Variants in CCDC61 observed in about 807,000 individuals in gnomAD.
The protein encoded by CCDC61 is centrosomal protein CCDC61.
In CCDC61, 55 loss-of-function variants were observed where a neutral mutation model predicts 63.0. The observed-to-expected ratio is 0.87, with a 90% CI of 0.70 to 1.09. CCDC61 has a LOEUF of 1.09. CCDC61 is among the 50% of genes least tolerant of loss of function. The probability of loss-of-function intolerance (pLI) is 0.00; values close to 1 mark genes in which losing one functional copy is unlikely to be tolerated. For missense variants in CCDC61, 651 were observed against 731.4 expected, an observed-to-expected ratio of 0.89 and a Z score of 1.27; for synonymous variants, 270 against 317.0, an observed-to-expected ratio of 0.85 and a Z score of 1.58.
chr19:45,998,599 C>G (rs1968535490), intron 1 of CCDC61, among the ~76,000 whole-genome samples: 2 of 152,110 alleles, frequency 1.3e-5, no homozygotes, highest in Non-Finnish European at 2.9e-5. Context: ...CATTCCCTGG[C>G]ATCTCCCGTT....
chr19:46,010,075 TC>T (rs1392008711), intron 5 of CCDC61, among the ~76,000 whole-genome samples: 5 of 152,204 alleles, frequency 3.3e-5, no homozygotes, highest in Non-Finnish European at 7.3e-5. Flanking sequence ...TTTATGGAGT[TC>T]ATACTGTGCC....
chr19:46,018,034 G>T lies in CCDC61; in HGVS notation c.1369-44G>T, dbSNP rs773980138. Reference sequence around the variant, plus strand: ...AGTGGGATTTAGGGGGACAGAAATAGAGGGACGGTGGGTGACCCCCTTTCC... The same window carrying T: ...AGTGGGATTTAGGGGGACAGAAATATAGGGACGGTGGGTGACCCCCTTTCC... On this transcript the variant is annotated intron_variant, in intron 12 of 13. Transcript: ENST00000595358. This position sits in a 1 kb window ranked among gnomAD's most constrained non-coding sequence, Gnocchi z 4.2. The T allele has an allele frequency of 3.5e-5, 54 of 1,528,452 alleles. No homozygotes were observed. Among genetic ancestry groups the T allele is most frequent in the Non-Finnish European group, 4.7e-5 (53 of 1,124,558 alleles). 94.7% of individuals were successfully genotyped at this position (1,528,452 alleles called of 1,614,324 possible). A position where few individuals can be genotyped will look rare whatever the true frequency, so the allele number is the denominator to read the frequency against.
chr19:46,016,917 C>A lies in CCDC61; in HGVS notation c.1232-74C>A. 3.7e-6 allele frequency: 1 copy of A among 273,232 alleles called. No individual in the cohort carries two copies. The highest frequency in any genetic ancestry group is 1.0e-4 in the East Asian group (1 of 9,718). The allele number at this position is 273,232 out of a possible 1,614,324, so 16.9% of individuals were successfully genotyped here. On this transcript the variant is annotated intron_variant, in intron 10 of 13. Coordinates refer to ENST00000595358, the MANE Select transcript of CCDC61 (RefSeq NM_001267723.2). The surrounding 1 kb of genome is among the most constrained non-coding windows in gnomAD (Gnocchi z 7.2). ...GCTGGGAGGCACTGGGCAGGGCGGG[C>A]GGGCTGGGAGGGCCTGGGAAGCACT...
At position 46,015,012 on chromosome 19, in the gene CCDC61, G is replaced by T. The variant is rs562884939; in HGVS notation, c.552-37G>T. On this transcript the variant is annotated intron_variant, in intron 5 of 13. Coordinates refer to ENST00000595358, the MANE Select transcript of CCDC61 (RefSeq NM_001267723.2). This position sits in a 1 kb window ranked among gnomAD's most constrained non-coding sequence, Gnocchi z 5.3. Reference sequence around the variant, plus strand: ...CATGGAGTAGTGGGAATGGGGCCATGCCTCTCTCTCCAGCGCTCTCTCCGC... The same window carrying T: ...CATGGAGTAGTGGGAATGGGGCCATTCCTCTCTCTCCAGCGCTCTCTCCGC... 2.7e-6 allele frequency: 4 copies of T among 1,473,532 alleles called. No homozygotes were observed. Among genetic ancestry groups the T allele is most frequent in the Non-Finnish European group, 1.8e-6 (2 of 1,110,470 alleles). 91.3% of individuals were successfully genotyped at this position (1,473,532 alleles called of 1,614,324 possible).
In CCDC61 at chr19:46,015,166, G is replaced by T; in HGVS notation, c.669G>T (p.Val223=). Reference sequence around the variant, plus strand: ...AGGCCGAGGCGCTGCGCGGGCTGGTGCGCGGGCTGGAGCTGGAGCTGCGGC... The same window carrying T: ...AGGCCGAGGCGCTGCGCGGGCTGGTTCGCGGGCTGGAGCTGGAGCTGCGGC... The part of the protein sequence containing the change: ...RQEAEALRGL[V]RGLELELRQE... The change falls in exon 6 of 14, where the codon GTG becomes GTT. Residue 223 remains valine (V), a synonymous_variant. Coordinates refer to ENST00000595358, the MANE Select transcript of CCDC61 (RefSeq NM_001267723.2). This position sits in a 1 kb window ranked among gnomAD's most constrained non-coding sequence, Gnocchi z 5.3. 3 of 1,266,946 alleles carry T rather than the reference G, an allele frequency of 2.4e-6. No individual in the cohort carries two copies. The highest frequency in any genetic ancestry group is 3.1e-4 in the Middle Eastern group (1 of 3,262). 78.5% of individuals were successfully genotyped at this position (1,266,946 alleles called of 1,614,324 possible).
Position 46,016,984 on chromosome 19 carries a change from C to T in CCDC61, c.1232-7C>T, listed in dbSNP as rs1477823864. On this transcript the variant is annotated splice_region_variant and splice_polypyrimidine_tract_variant and intron_variant, in intron 10 of 13. Coordinates refer to ENST00000595358, the MANE Select transcript of CCDC61 (RefSeq NM_001267723.2). This position sits in a 1 kb window ranked among gnomAD's most constrained non-coding sequence, Gnocchi z 7.2. ...GGCCAGCGGTCACGCCCTCCGTCTC[C>T]CTCTAGTGGACAGTTTCCGCAGCCG... 6.2e-7 allele frequency: 1 copy of T among 1,609,816 alleles called. No individual in the cohort carries two copies. The highest frequency in any genetic ancestry group is 8.5e-7 in the Non-Finnish European group (1 of 1,178,288).
chr19:46,013,017 A>ATT (rs547379016), intron 5 of CCDC61, among the ~76,000 whole-genome samples: 18 of 144,628 alleles, frequency 1.2e-4, no homozygotes, highest in Middle Eastern at 3.6e-3. Flanking sequence ...ATGCCAAGCT[A>ATT]TTTTTTTTTT....
In CCDC61 at chr19:46,015,273, G is replaced by A. The variant is rs761191416; in HGVS notation, c.762+14G>A. Reference sequence around the variant, plus strand: ...CTGGCCAAGGAGGTGAGCAGCGGGGGCCCGGGGCGGCCAGCGAGGCGCGGA... The same window carrying A: ...CTGGCCAAGGAGGTGAGCAGCGGGGACCCGGGGCGGCCAGCGAGGCGCGGA... On this transcript the variant is annotated intron_variant, in intron 6 of 13. Transcript: ENST00000595358. This position sits in a 1 kb window ranked among gnomAD's most constrained non-coding sequence, Gnocchi z 5.3. 219 of 1,523,388 alleles carry A rather than the reference G, an allele frequency of 1.4e-4. 4 individuals carry two copies. The Admixed American group carries it at 4.1e-3, about 29-fold the overall frequency. The allele number at this position is 1,523,388 out of a possible 1,614,324, so 94.4% of individuals were successfully genotyped here.
chr19:46,018,416 C>T lies in CCDC61; in HGVS notation c.*29C>T, dbSNP rs922548506. On this transcript the variant is annotated 3_prime_UTR_variant, in exon 14 of 14. Coordinates refer to ENST00000595358, the MANE Select transcript of CCDC61 (RefSeq NM_001267723.2). The surrounding 1 kb of genome is among the most constrained non-coding windows in gnomAD (Gnocchi z 4.2). Reference sequence around the variant, plus strand: ...GGAGAAGGGGTACTACCCCTCCATCCCCCACCCACTTGCTGGGTATGGTGT... The same window carrying T: ...GGAGAAGGGGTACTACCCCTCCATCTCCCACCCACTTGCTGGGTATGGTGT... 1.3e-6 allele frequency: 2 copies of T among 1,527,630 alleles called. No homozygotes were observed. The highest frequency in any genetic ancestry group is 1.8e-6 in the Non-Finnish European group (2 of 1,125,576). The allele number at this position is 1,527,630 out of a possible 1,614,324, so 94.6% of individuals were successfully genotyped here.
At chr19:46,003,232 A>C in intron 2 of CCDC61, 66 bp downstream of exon 2, 1 of 1,525,582 alleles carries the variant, frequency 6.6e-7, no homozygotes, top group East Asian at 2.3e-5. Context: ...CCAGAATATC[A>C]GGCCACCCTG....
chr19:46,012,847 TTTAA>T (rs940630749), intron 5 of CCDC61, among the ~76,000 whole-genome samples: 6 of 139,234 alleles, frequency 4.3e-5, no homozygotes, highest in African/African-American at 1.4e-4. Flanking sequence ...TTGCACTTAA[TTTAA>T]TTTTTTTTTT....
chr19:46,008,435 G>A (rs1384546417), intron 5 of CCDC61, 134 bp downstream of exon 5: 19 of 800,320 alleles, frequency 2.4e-5, no homozygotes, highest in Non-Finnish European at 3.3e-5. Flanking sequence ...TGAGACAAGA[G>A]TCTCACTCTG....
intron 5 of CCDC61, among the ~76,000 whole-genome samples, chr19:46,010,171 G>C (rs181460215): frequency 6.6e-6 from 1 of 152,182 alleles, no homozygotes; most frequent in South Asian, 2.1e-4. Context: ...CCTAACAGGC[G>C]GGCATTCTTA....
intron 5 of CCDC61, among the ~76,000 whole-genome samples, chr19:46,011,721 C>T (rs544220189): frequency 6.6e-6 from 1 of 152,358 alleles, no homozygotes; most frequent in Non-Finnish European, 1.5e-5. Flanking sequence ...TCAACCAATG[C>T]AGTGGTTCAC....
At position 45,999,216 on chromosome 19, in the gene CCDC61, G is replaced by A. The variant is rs139762479; in HGVS notation, c.-12+3712G>A. 4.9e-4 allele frequency among the ~76,000 whole-genome samples: 75 copies of A among 152,204 alleles called. 1 individual carries two copies. Among genetic ancestry groups the A allele is most frequent in the African/African-American group, 1.7e-3 (72 of 41,506 alleles). On this transcript the variant is annotated intron_variant, in intron 1 of 13. Coordinates refer to ENST00000595358, the MANE Select transcript of CCDC61 (RefSeq NM_001267723.2). The stretch of plus-strand genomic sequence containing the variant: ...ATGCCCCAGGGGGAACTGGGGTGCC[G>A]CAGTGTGCACCGTAGAGATTTCATT...
Position 46,018,010 on chromosome 19 carries a change from G to C in CCDC61, c.1369-68G>C. ...AAGGTCCTTAGGCTCAGGATTTCCA[G>C]TGGGATTTAGGGGGACAGAAATAGA... On this transcript the variant is annotated intron_variant, in intron 12 of 13. Transcript: ENST00000595358. This position sits in a 1 kb window ranked among gnomAD's most constrained non-coding sequence, Gnocchi z 4.2. The C allele has an allele frequency of 7.2e-7, 1 of 1,385,810 alleles. No individual in the cohort carries two copies. Among genetic ancestry groups the C allele is most frequent in the Non-Finnish European group, 9.8e-7 (1 of 1,019,334 alleles). The allele number at this position is 1,385,810 out of a possible 1,614,324, so 85.8% of individuals were successfully genotyped here.
intron 1 of CCDC61, among the ~76,000 whole-genome samples, chr19:45,998,399 C>G (rs1968531799): frequency 6.6e-6 from 1 of 152,204 alleles, no homozygotes; most frequent in South Asian, 2.1e-4. Flanking sequence ...TTGGCCATCA[C>G]TGTGAGAAAC....
Position 46,015,346 on chromosome 19 carries a change from T to C in CCDC61, c.764T>C (p.Leu255Pro). Residue 255 changes from leucine (L) to proline (P), a missense_variant and splice_region_variant, in exon 7 of 14, where the codon CTC (leucine) becomes CCC (proline). By Grantham distance (98) the Leu-to-Pro change is moderately conservative (BLOSUM62 -3). Transcript: ENST00000595358. This position sits in a 1 kb window ranked among gnomAD's most constrained non-coding sequence, Gnocchi z 5.3. Reference sequence around the variant, plus strand: ...CGCGCCCCTCTCCCCTCCCGGCAGCTCGAGGAGGCGAAGGCATCGGAGCGG... The same window carrying C: ...CGCGCCCCTCTCCCCTCCCGGCAGCCCGAGGAGGCGAAGGCATCGGAGCGG... The part of the protein sequence containing the change: ...GQDCRRLAKE[L>P]EEAKASERSL... 6.2e-7 allele frequency: 1 copy of C among 1,600,584 alleles called. No homozygotes were observed. Among genetic ancestry groups the C allele is most frequent in the Non-Finnish European group, 8.5e-7 (1 of 1,178,438 alleles).
chr19:46,005,802 T>TC (rs1568690061), intron 3 of CCDC61, among the ~76,000 whole-genome samples: 12 of 151,932 alleles, frequency 7.9e-5, no homozygotes, highest in Non-Finnish European at 1.5e-5. Flanking sequence ...TTTTTTTTTT[T>TC]CAAGTAAAAA....
Sources: allele counts gnomAD v4.1 joint callset (sites outside exome capture counted in the v4.1 genomes callset), GRCh38; gene constraint gnomAD v4.1.1; non-coding constraint Gnocchi (gnomAD v3.1); transcripts MANE v1.5; gene names NCBI Gene and HGNC (gene_info 2026-07-23, HGNC 2026-07-21).